Variants in CHL1 observed in about 807,000 individuals in gnomAD.
The protein encoded by CHL1 is neural cell adhesion molecule L1-like protein.
A neutral mutation model predicts 141.9 loss-of-function variants in CHL1; 96 were observed. The ratio of observed to expected loss-of-function variants is 0.68; its 90% confidence interval spans 0.57 to 0.80. The LOEUF (loss-of-function observed/expected upper bound fraction) is 0.80, where lower values mean the gene tolerates loss of function less well. CHL1 is among the 30% of genes least tolerant of loss of function. The pLI, the probability that CHL1 is intolerant of heterozygous loss-of-function variation, is 0.00. For missense variants in CHL1, 1,820 were observed against 1,457.2 expected (o/e 1.25, Z -4.05); for synonymous variants, 613 against 502.2 (o/e 1.22, Z -2.95).
chr3:233,769 AC>A (rs1450415226), intron 1 of CHL1, among the ~76,000 whole-genome samples: 1 of 152,074 alleles, frequency 6.6e-6, no homozygotes, highest in African/African-American at 2.4e-5. Context: ...AAAATTATAA[AC>A]TTTTCTAATA....
chr3:321,878 A>T (rs1349117616), intron 3 of CHL1, among the ~76,000 whole-genome samples: 1 of 152,112 alleles, frequency 6.6e-6, no homozygotes, highest in Non-Finnish European at 1.5e-5. Flanking sequence ...TGGCTTAATT[A>T]TAGAGGAAAG....
intron 2 of CHL1, among the ~76,000 whole-genome samples, chr3:259,884 T>A (rs1694541734): frequency 6.6e-6 from 1 of 152,198 alleles, no homozygotes; most frequent in Admixed American, 6.5e-5. Flanking sequence ...TTCTAGTGTT[T>A]CATCTGTGTT....
chr3:399,363 C>T (rs116803494), intron 26 of CHL1, among the ~76,000 whole-genome samples: 1,753 of 152,208 alleles, frequency 0.012, 41 homozygotes, highest in African/African-American at 0.04. Flanking sequence ...CTCTAACTGC[C>T]GGGCGCAGTG....
At position 340,705 on chromosome 3, in the gene CHL1, AT is replaced by A. The variant is rs1458516243; in HGVS notation, c.386-85del. 10 of 1,131,656 alleles carry A rather than the reference AT, an allele frequency of 8.8e-6. No homozygotes were observed. In the African/African-American group the frequency reaches 1.1e-4, roughly 13 times the overall value. The allele number at this position is 1,131,656 out of a possible 1,614,324, so 70.1% of individuals were successfully genotyped here. On this transcript the variant is annotated intron_variant, in intron 5 of 27. Transcript: ENST00000256509. Reference sequence around the variant, plus strand: ...GCATAGAATTTATTTAAATTGCTGAATTTTGAAAAAAAAGAACATATTAAGA... The same window carrying A: ...GCATAGAATTTATTTAAATTGCTGAATTTGAAAAAAAAGAACATATTAAGA...
At chr3:236,501 A>C (rs1463055655) in intron 1 of CHL1, among the ~76,000 whole-genome samples, 9 of 152,172 alleles carry the variant, frequency 5.9e-5, no homozygotes. Context: ...TTCTATGAAT[A>C]AACTATGCCT....
chr3:372,030 C>A (rs1293837923), intron 15 of CHL1, among the ~76,000 whole-genome samples: 1 of 152,082 alleles, frequency 6.6e-6, no homozygotes, highest in Non-Finnish European at 1.5e-5. Context: ...TCTCTGGCTG[C>A]CCTGAGCATT....
rs765742101 is a variant in CHL1, at chr3:398,975, T to C, written c.3254-42T>C. 5 of 1,590,724 alleles carry C rather than the reference T, an allele frequency of 3.1e-6. No homozygotes were observed. In the African/African-American group the frequency reaches 5.4e-5, roughly 17 times the overall value. ...CCCAATGTTACAGAATACAAAAGAC[T>C]GTTTCTAGTTTACAATGCTGTGACT... On this transcript the variant is annotated intron_variant, in intron 25 of 27. Coordinates refer to ENST00000256509, the MANE Select transcript of CHL1 (RefSeq NM_006614.4).
intron 1 of CHL1, among the ~76,000 whole-genome samples, chr3:206,017 G>A (rs1699406859): frequency 6.6e-6 from 1 of 152,286 alleles, no homozygotes; most frequent in East Asian, 1.9e-4. Context: ...TCCAGCTATG[G>A]TCTTCACTAT....
At chr3:322,672 T>TATATA (rs1220334388) in intron 3 of CHL1, among the ~76,000 whole-genome samples, 1 of 127,866 alleles carries the variant, frequency 7.8e-6, no homozygotes, top group South Asian at 2.4e-4. Flanking sequence ...ATATATATAA[T>TATATA]TATATATATA....
chr3:260,651 C>T (rs1261638967), intron 2 of CHL1, among the ~76,000 whole-genome samples: 1 of 152,122 alleles, frequency 6.6e-6, no homozygotes, highest in Non-Finnish European at 1.5e-5. Flanking sequence ...AAAAAGCTAC[C>T]AAATTGACAC....
intron 15 of CHL1, among the ~76,000 whole-genome samples, chr3:372,163 G>A (rs1705721490): frequency 2.0e-5 from 3 of 152,156 alleles, no homozygotes; most frequent in African/African-American, 4.8e-5. Context: ...GTCTTGCTAG[G>A]TTTGGGAAGT....
rs944900610 is a variant in CHL1, at chr3:396,500, T to C, written c.3094+1628T>C. On this transcript the variant is annotated intron_variant, in intron 24 of 27. Transcript: ENST00000256509. ...CAAGTGTTACACATTCTAGTATATA[T>C]GTTGCGAAATTTGGGCTTGGTTGCA... is the stretch of plus-strand genomic sequence containing the variant. Among the ~76,000 whole-genome samples, 5 of 152,176 alleles carry C rather than the reference T, an allele frequency of 3.3e-5. 1 individual carries two copies. The South Asian group carries it at 8.3e-4, about 25-fold the overall frequency.
chr3:241,384 A>G (rs1031876167), intron 1 of CHL1, among the ~76,000 whole-genome samples: 3 of 152,190 alleles, frequency 2.0e-5, no homozygotes, highest in African/African-American at 7.2e-5. Context: ...GAAAAGTACT[A>G]CTTTGAAATA....
chr3:387,659 C>A (rs1303615965), intron 19 of CHL1, among the ~76,000 whole-genome samples: 1 of 152,194 alleles, frequency 6.6e-6, no homozygotes, highest in East Asian at 1.9e-4. Context: ...CTGAAGAAAA[C>A]TATCATTCCA....
At chr3:383,952 A>ATCATTGTAGTTAGCATGCAG in intron 19 of CHL1, 66 bp downstream of exon 19, 1 of 1,041,068 alleles carries the variant, frequency 9.6e-7, no homozygotes, top group Non-Finnish European at 1.5e-6. Flanking sequence ...TCTGCATGCT[A>ATCATTGTAGTTAGCATGCAG]ACTACAATGA....
At chr3:201,075 G>T (rs1559260369) in intron 1 of CHL1, among the ~76,000 whole-genome samples, 2 of 152,146 alleles carry the variant, frequency 1.3e-5, no homozygotes, top group African/African-American at 4.8e-5. Flanking sequence ...GTTACTGAAA[G>T]TCACTATAAT....
chr3:315,054 A>G (rs1000800739), intron 2 of CHL1, among the ~76,000 whole-genome samples: 8 of 152,160 alleles, frequency 5.3e-5, no homozygotes, highest in Non-Finnish European at 1.0e-4. Flanking sequence ...CTCTAATAGC[A>G]TCCACAAAGT....
At chr3:254,007 G>C (rs13314498) in intron 2 of CHL1, among the ~76,000 whole-genome samples, 10,309 of 152,176 alleles carry the variant, frequency 0.068, 754 homozygotes, top group African/African-American at 0.18. Context: ...ACAAATGGAG[G>C]GACAAAGAGC....
At chr3:277,817 A>G (rs1351638887) in intron 2 of CHL1, among the ~76,000 whole-genome samples, 1 of 152,260 alleles carries the variant, frequency 6.6e-6, no homozygotes, top group Non-Finnish European at 1.5e-5. Context: ...CAGGAAAGTT[A>G]GCCAGTGACA....
Sources: gnomAD v4.1 joint callset for allele counts (sites outside exome capture counted in the v4.1 genomes callset) on GRCh38, gnomAD v4.1.1 for gene constraint, MANE v1.5 for transcripts, NCBI Gene and HGNC (gene_info 2026-07-23, HGNC 2026-07-21) for gene names.